SORCS3: variants seen among roughly 807,000 people sequenced by gnomAD.
SORCS3 encodes the protein VPS10 domain-containing receptor SorCS3.
In SORCS3, 57 loss-of-function variants were observed where a neutral mutation model predicts 146.3. That is an observed-to-expected ratio of 0.39 (90% CI 0.31 to 0.49). The LOEUF (loss-of-function observed/expected upper bound fraction) is 0.49. Among genes scored for constraint, SORCS3 ranks in the 20% least tolerant of loss-of-function variants. The pLI is 0.92. For missense variants in SORCS3, 1,341 were observed against 1,575.5 expected, an observed-to-expected ratio of 0.85 and a Z score of 2.52; for synonymous variants, 653 against 618.5, an observed-to-expected ratio of 1.06 and a Z score of -0.83.
At chr10:104,856,420 A>G (rs1383476068) in intron 2 of SORCS3, among the ~76,000 whole-genome samples, 1 of 135,720 alleles carries the variant, frequency 7.4e-6, no homozygotes, top group Non-Finnish European at 1.5e-5. Flanking sequence ...GTTATATGAT[A>G]TTATGATATT....
chr10:104,880,472 C>G (rs1271244837), intron 2 of SORCS3, among the ~76,000 whole-genome samples: 2 of 152,160 alleles, frequency 1.3e-5, no homozygotes, highest in Non-Finnish European at 2.9e-5. Flanking sequence ...GAGTTTATCA[C>G]TGTGGTCTGC....
At chr10:104,799,785 C>T (rs2017603316) in intron 1 of SORCS3, among the ~76,000 whole-genome samples, 1 of 151,996 alleles carries the variant, frequency 6.6e-6, no homozygotes, top group African/African-American at 2.4e-5. Flanking sequence ...ACGCTATTCT[C>T]CTGCCTCAGC....
At chr10:105,098,610 T>C (rs2055762767) in intron 6 of SORCS3, among the ~76,000 whole-genome samples, 1 of 152,214 alleles carries the variant, frequency 6.6e-6, no homozygotes, top group Non-Finnish European at 1.5e-5. Flanking sequence ...AATTACTTAA[T>C]CATCCTGTGC....
intron 7 of SORCS3, among the ~76,000 whole-genome samples, chr10:105,120,368 G>C (rs2055923319): frequency 6.6e-6 from 1 of 152,152 alleles, no homozygotes; most frequent in African/African-American, 2.4e-5. Context: ...TCATAGCAGT[G>C]TGAGAACAGA....
At chr10:104,802,128 T>G (rs1203880215) in intron 1 of SORCS3, among the ~76,000 whole-genome samples, 2 of 152,224 alleles carry the variant, frequency 1.3e-5, no homozygotes, top group African/African-American at 4.8e-5. Context: ...AAGTTTATTT[T>G]ATACACCTCA....
intron 4 of SORCS3, among the ~76,000 whole-genome samples, chr10:104,999,203 T>A (rs2133670535): frequency 6.6e-6 from 1 of 152,304 alleles, no homozygotes; most frequent in Non-Finnish European, 1.5e-5. Context: ...CATTGGTAAA[T>A]TCTTTTTAGT....
chr10:105,043,310 T>A (rs1174267802), intron 5 of SORCS3, among the ~76,000 whole-genome samples, 182 bp downstream of exon 5: 1 of 152,090 alleles, frequency 6.6e-6, no homozygotes, highest in Non-Finnish European at 1.5e-5. Flanking sequence ...AAATGCAGAA[T>A]CTCAGGCCCT....
At chr10:104,765,359 C>G (rs2017167311) in intron 1 of SORCS3, among the ~76,000 whole-genome samples, 1 of 152,204 alleles carries the variant, frequency 6.6e-6, no homozygotes, top group African/African-American at 2.4e-5. Flanking sequence ...TGGAGCCTTA[C>G]AAAGCTGTAT....
At chr10:104,863,685 G>A (rs1442875117) in intron 2 of SORCS3, among the ~76,000 whole-genome samples, 2 of 152,184 alleles carry the variant, frequency 1.3e-5, no homozygotes, top group Non-Finnish European at 2.9e-5. Flanking sequence ...TAGCAGCTGT[G>A]GGTCTTCCAA....
chr10:104,713,543 T>C (rs111832159), intron 1 of SORCS3, among the ~76,000 whole-genome samples: 67 of 152,354 alleles, frequency 4.4e-4, no homozygotes, highest in African/African-American at 1.6e-3. Flanking sequence ...CCCACATTGA[T>C]TGATGTGATC....
intron 1 of SORCS3, among the ~76,000 whole-genome samples, chr10:104,808,586 A>G (rs548343740): frequency 6.6e-6 from 1 of 152,356 alleles, no homozygotes; most frequent in South Asian, 2.1e-4. Context: ...GAATCAAAAA[A>G]GAGAATGAGG....
chr10:105,123,705 A>G (rs74979306), intron 7 of SORCS3, among the ~76,000 whole-genome samples: 1,764 of 152,302 alleles, frequency 0.012, 25 homozygotes, highest in Non-Finnish European at 0.019. Flanking sequence ...CCACTATGAT[A>G]AATCTATGAA....
intron 6 of SORCS3, among the ~76,000 whole-genome samples, chr10:105,090,297 T>C (rs1280667286): frequency 6.6e-6 from 1 of 152,128 alleles, no homozygotes; most frequent in East Asian, 1.9e-4. Flanking sequence ...CTGCTAAGTG[T>C]CAGACATAAT....
At chr10:104,911,983 A>T (rs1589546548) in intron 2 of SORCS3, among the ~76,000 whole-genome samples, 1 of 152,042 alleles carries the variant, frequency 6.6e-6, no homozygotes, top group Non-Finnish European at 1.5e-5. Flanking sequence ...CCTGTTAGCA[A>T]TTTTTCATCC....
intron 1 of SORCS3, among the ~76,000 whole-genome samples, chr10:104,811,862 G>T (rs1054973594): frequency 6.6e-6 from 1 of 152,190 alleles, no homozygotes; most frequent in South Asian, 2.1e-4. Flanking sequence ...GCCAAGAGAT[G>T]TGCATCAGAA....
At chr10:105,255,848 C>T in intron 24 of SORCS3, 47 bp downstream of exon 24, 2 of 1,442,170 alleles carry the variant, frequency 1.4e-6, no homozygotes, top group Non-Finnish European at 1.9e-6. Context: ...GATCTGTTAT[C>T]CCAGAGAGAA....
At chr10:104,761,243 T>C (rs2017118693) in intron 1 of SORCS3, among the ~76,000 whole-genome samples, 1 of 152,174 alleles carries the variant, frequency 6.6e-6, no homozygotes, top group South Asian at 2.1e-4. Context: ...ACAATGACAT[T>C]ACTACAGTGG....
At chr10:104,866,991 A>G (rs1229349362) in intron 2 of SORCS3, among the ~76,000 whole-genome samples, 2 of 152,180 alleles carry the variant, frequency 1.3e-5, no homozygotes, top group African/African-American at 4.8e-5. Context: ...CATTAAACAG[A>G]TTCATTCCTA....
At chr10:105,029,150 A>G (rs2055248779) in intron 4 of SORCS3, among the ~76,000 whole-genome samples, 1 of 152,196 alleles carries the variant, frequency 6.6e-6, no homozygotes. Flanking sequence ...CAGGTATTCT[A>G]TTCCCAGAGA....
Sources: gnomAD v4.1 joint callset for allele counts (sites outside exome capture counted in the v4.1 genomes callset) on GRCh38, gnomAD v4.1.1 for gene constraint, MANE v1.5 for transcripts, NCBI Gene and HGNC (gene_info 2026-07-23, HGNC 2026-07-21) for gene names.